The following TPRG1 variants were observed in gnomAD, a reference collection of about 807,000 sequenced individuals.
TPRG1 encodes the protein tumor protein p63-regulated gene 1 protein.
In TPRG1, 29 loss-of-function variants were observed where a neutral mutation model predicts 29.3. The observed-to-expected ratio is 0.99, with a 90% CI of 0.74 to 1.35. The LOEUF (loss-of-function observed/expected upper bound fraction) is 1.35. Among genes scored for constraint, TPRG1 ranks in the 40% most tolerant of loss-of-function variants. The pLI is 0.00. For synonymous variants in TPRG1, 130 were observed against 116.8 expected (o/e 1.11, Z -0.73); for missense variants, 327 against 335.0 (o/e 0.98, Z 0.19).
At chr3:189,021,202 C>G (rs1713286285) in intron 3 of TPRG1, among the ~76,000 whole-genome samples, 1 of 149,444 alleles carries the variant, frequency 6.7e-6, no homozygotes, top group Admixed American at 6.7e-5. Flanking sequence ...CAGTCTGTGT[C>G]TTTTAATTGG....
chr3:189,056,994 A>C (rs544131450), intron 4 of TPRG1, among the ~76,000 whole-genome samples: 7 of 152,320 alleles, frequency 4.6e-5, no homozygotes, highest in South Asian at 2.1e-4. Flanking sequence ...CCCCCTGAGG[A>C]TAATTTCTGA....
At chr3:189,072,447 T>C (rs1486831978) in intron 4 of TPRG1, among the ~76,000 whole-genome samples, 1 of 152,204 alleles carries the variant, frequency 6.6e-6, no homozygotes, top group Non-Finnish European at 1.5e-5. Context: ...TGTTTCTCAA[T>C]GTGGATATTT....
chr3:189,222,341 A>T (rs1031506619), intron 3 of TPRG1, among the ~76,000 whole-genome samples: 3 of 151,992 alleles, frequency 2.0e-5, no homozygotes, highest in African/African-American at 7.2e-5. Context: ...GAAAAAGGTT[A>T]AAAAAAACTG....
chr3:189,214,517 C>T (rs1288980981), intron 2 of TPRG1, among the ~76,000 whole-genome samples: 5 of 152,122 alleles, frequency 3.3e-5, no homozygotes, highest in Non-Finnish European at 5.9e-5. Flanking sequence ...AGGTGACTGA[C>T]GTTGGCACAA....
intron 5 of TPRG1, among the ~76,000 whole-genome samples, chr3:189,165,479 A>G (rs921289490): frequency 4.4e-5 from 6 of 137,180 alleles, no homozygotes; most frequent in East Asian, 4.4e-4. Flanking sequence ...TGACATGGAG[A>G]TTTCTAGGCC....
At position 189,160,831 on chromosome 3, in the gene TPRG1, T is replaced by G. The variant is rs1041474005; in HGVS notation, c.-10+9959T>G. 3.3e-5 allele frequency among the ~76,000 whole-genome samples: 5 copies of G among 152,264 alleles called. No homozygotes were observed. In the East Asian group the frequency reaches 9.6e-4, roughly 29 times the overall value. ...CTTATCGTGTTCTTCATATTCAAGGTAGTAATGAATTCCTTCTTTATGTTT... is the reference window on the plus strand; with the variant it reads ...CTTATCGTGTTCTTCATATTCAAGGGAGTAATGAATTCCTTCTTTATGTTT... On this transcript the variant is annotated intron_variant, in intron 5 of 6. Transcript: ENST00000412373.
chr3:189,320,505 A>G, intron 5 of TPRG1, 121 bp from the exon 6 acceptor site: 1 of 696,364 alleles, frequency 1.4e-6, no homozygotes, highest in Non-Finnish European at 2.2e-6. Context: ...ATGTTTAAGA[A>G]GTAAGAATAA....
intron 1 of TPRG1, among the ~76,000 whole-genome samples, chr3:189,197,876 TC>T (rs1389960732): frequency 6.6e-6 from 1 of 152,182 alleles, no homozygotes. Flanking sequence ...GTGACAAACC[TC>T]CCCATGACCT....
intron 4 of TPRG1, among the ~76,000 whole-genome samples, chr3:189,062,635 G>T (rs2152145336): frequency 6.6e-6 from 1 of 152,108 alleles, no homozygotes; most frequent in Middle Eastern, 3.4e-3. Context: ...GAAGGAAAAT[G>T]GACCTAAATT....
At chr3:189,289,800 C>A (rs1718693049) in intron 4 of TPRG1, among the ~76,000 whole-genome samples, 1 of 152,106 alleles carries the variant, frequency 6.6e-6, no homozygotes, top group Non-Finnish European at 1.5e-5. Flanking sequence ...TATATCTTTG[C>A]TCAGATTTTT....
intron 1 of TPRG1, among the ~76,000 whole-genome samples, chr3:189,204,976 CAT>C (rs1163780094): frequency 2.5e-4 from 37 of 150,130 alleles, no homozygotes; most frequent in African/African-American, 6.6e-4. Context: ...CACACACACA[CAT>C]ACACTCTTTC....
At chr3:189,313,055 T>G (rs1722959731) in intron 5 of TPRG1, 1 of 152,154 alleles carries the variant, frequency 6.6e-6, no homozygotes, top group African/African-American at 2.4e-5. Flanking sequence ...TTTCTCTTTT[T>G]TTTTTTTTCC....
chr3:189,161,438 C>A (rs1421307078), intron 5 of TPRG1, among the ~76,000 whole-genome samples: 1 of 150,560 alleles, frequency 6.6e-6, no homozygotes, highest in Non-Finnish European at 1.5e-5. Flanking sequence ...TTGCTTATTG[C>A]CTCCTAGCTT....
chr3:189,155,683 G>A (rs997884939), intron 5 of TPRG1, among the ~76,000 whole-genome samples: 38 of 152,212 alleles, frequency 2.5e-4, no homozygotes, highest in African/African-American at 9.2e-4. Context: ...TGTCATTTGT[G>A]ACAACATAGA....
intron 2 of TPRG1, among the ~76,000 whole-genome samples, chr3:189,209,281 T>C (rs1168950584): frequency 2.0e-5 from 3 of 152,224 alleles, no homozygotes; most frequent in Non-Finnish European, 4.4e-5. Context: ...GTTGTCACAG[T>C]GCATGGTGAC....
chr3:189,313,707 A>C (rs1051647506), intron 5 of TPRG1, among the ~76,000 whole-genome samples: 2 of 152,324 alleles, frequency 1.3e-5, no homozygotes, highest in East Asian at 3.9e-4. Flanking sequence ...TGCAGGTATT[A>C]TGATTGTTGC....
At chr3:189,280,111 T>C (rs1018567113) in intron 4 of TPRG1, among the ~76,000 whole-genome samples, 6 of 152,164 alleles carry the variant, frequency 3.9e-5, no homozygotes, top group East Asian at 1.9e-4. Context: ...CAGGGACTTA[T>C]CTGTTAACAT....
intron 4 of TPRG1, among the ~76,000 whole-genome samples, chr3:189,078,871 C>G (rs933642639): frequency 9.9e-5 from 15 of 152,236 alleles, no homozygotes; most frequent in African/African-American, 3.6e-4. Context: ...TGTGTTATGA[C>G]TTAAGTAAAG....
chr3:189,100,932 T>G (rs963913332), intron 1 of TPRG1, among the ~76,000 whole-genome samples: 1 of 152,210 alleles, frequency 6.6e-6, no homozygotes, highest in Admixed American at 6.5e-5. Context: ...CACAACATAC[T>G]ATTTGGAACT....
Sources: gnomAD v4.1 joint callset for allele counts (sites outside exome capture counted in the v4.1 genomes callset) on GRCh38, gnomAD v4.1.1 for gene constraint, MANE v1.5 for transcripts, NCBI Gene and HGNC (gene_info 2026-07-23, HGNC 2026-07-21) for gene names.